TCF7L1: variants seen among roughly 807,000 people sequenced by gnomAD.
The protein encoded by TCF7L1 is transcription factor 7-like 1.
TCF7L1 carries 18 observed loss-of-function variants against 63.7 expected under a neutral mutation model. The observed-to-expected ratio is 0.28, with a 90% confidence interval of 0.20 to 0.42. TCF7L1 has a LOEUF of 0.42. TCF7L1 is among the 10% of genes least tolerant of loss of function. TCF7L1 has a pLI of 1.00. For missense variants in TCF7L1, 654 were observed against 779.3 expected, an observed-to-expected ratio of 0.84 and a Z score of 1.91; for synonymous variants, 355 against 340.9, an observed-to-expected ratio of 1.04 and a Z score of -0.46.
chr2:85,269,576 G>C (rs1282914785), intron 3 of TCF7L1, among the ~76,000 whole-genome samples: 1 of 152,172 alleles, frequency 6.6e-6, no homozygotes, highest in Non-Finnish European at 1.5e-5. Context: ...CCAAAGTGCT[G>C]GGCTTACAGG....
chr2:85,296,029 C>T (rs1220656273), intron 4 of TCF7L1, among the ~76,000 whole-genome samples: 4 of 152,120 alleles, frequency 2.6e-5, no homozygotes, highest in African/African-American at 4.8e-5. Context: ...CCACCTGCCT[C>T]GGCCTCCCAA....
chr2:85,299,985 C>G (rs2104385420), intron 4 of TCF7L1, among the ~76,000 whole-genome samples: 1 of 151,814 alleles, frequency 6.6e-6, no homozygotes, highest in Middle Eastern at 3.4e-3. Context: ...GTTATGTTGT[C>G]TAAATGCTTT....
intron 3 of TCF7L1, among the ~76,000 whole-genome samples, chr2:85,189,788 G>A (rs951132053): frequency 7.9e-5 from 12 of 152,182 alleles, no homozygotes; most frequent in East Asian, 1.9e-4. Flanking sequence ...GACCCCGGCC[G>A]CCTGGACACA....
At chr2:85,252,484 G>A (rs550648812) in intron 3 of TCF7L1, among the ~76,000 whole-genome samples, 1 of 152,210 alleles carries the variant, frequency 6.6e-6, no homozygotes, top group Admixed American at 6.5e-5. Flanking sequence ...CCCAAGCCTC[G>A]GTGTGACCCC....
chr2:85,297,428 C>T (rs1403834164), intron 4 of TCF7L1, among the ~76,000 whole-genome samples: 1 of 152,228 alleles, frequency 6.6e-6, no homozygotes, highest in African/African-American at 2.4e-5. Flanking sequence ...GCCGTGGGTC[C>T]TCACACGTGC....
At chr2:85,213,542 G>A (rs955976730) in intron 3 of TCF7L1, 2 of 152,078 alleles carry the variant, frequency 1.3e-5, no homozygotes, top group Non-Finnish European at 2.9e-5. Flanking sequence ...TGCCATTTCC[G>A]GCTGATGGCA....
intron 11 of TCF7L1, 36 bp downstream of exon 11, chr2:85,307,753 T>A: frequency 6.3e-7 from 1 of 1,593,522 alleles, no homozygotes; most frequent in Non-Finnish European, 8.6e-7. Context: ...CTCCTGCTTT[T>A]CCTTTTGTCA....
intron 11 of TCF7L1, among the ~76,000 whole-genome samples, chr2:85,308,118 C>T (rs1163209920): frequency 6.6e-6 from 1 of 152,128 alleles, no homozygotes; most frequent in Non-Finnish European, 1.5e-5. Flanking sequence ...TTGGATGTTT[C>T]TTTGGTTGAA....
At chr2:85,148,411 G>A (rs1677930153) in intron 3 of TCF7L1, among the ~76,000 whole-genome samples, 1 of 152,146 alleles carries the variant, frequency 6.6e-6, no homozygotes, top group Admixed American at 6.6e-5. Context: ...CTGGAACTTG[G>A]GTTTTGACCA....
chr2:85,230,081 C>T (rs1680043590), intron 3 of TCF7L1, among the ~76,000 whole-genome samples: 2 of 152,228 alleles, frequency 1.3e-5, no homozygotes, highest in South Asian at 2.1e-4. Context: ...CTGCTTCTTT[C>T]TCTTTTTCAA....
intron 4 of TCF7L1, among the ~76,000 whole-genome samples, chr2:85,300,025 CT>C (rs1489629047): frequency 6.6e-6 from 1 of 152,068 alleles, no homozygotes; most frequent in Non-Finnish European, 1.5e-5. Context: ...GTTTGCATTT[CT>C]TTCTTAGAAA....
chr2:85,270,572 A>G (rs1473334585), intron 3 of TCF7L1, among the ~76,000 whole-genome samples: 1 of 152,152 alleles, frequency 6.6e-6, no homozygotes, highest in East Asian at 1.9e-4. Flanking sequence ...GGTCTTACCC[A>G]CCTTTAGCAA....
intron 3 of TCF7L1, among the ~76,000 whole-genome samples, chr2:85,163,743 G>A (rs1237136075): frequency 6.6e-6 from 1 of 152,090 alleles, no homozygotes; most frequent in East Asian, 1.9e-4. Context: ...TGTGCGGGAG[G>A]GATCTGCTCC....
intron 3 of TCF7L1, among the ~76,000 whole-genome samples, chr2:85,246,234 C>T (rs1680461203): frequency 1.3e-5 from 2 of 152,172 alleles, no homozygotes; most frequent in Admixed American, 1.3e-4. Flanking sequence ...GCTTCACAGG[C>T]TTAGTGGAAT....
chr2:85,204,671 C>T (rs557716264), intron 3 of TCF7L1, among the ~76,000 whole-genome samples: 3 of 152,186 alleles, frequency 2.0e-5, no homozygotes, highest in South Asian at 2.1e-4. Context: ...ACGTGCACCA[C>T]GCCCAGCTAG....
intron 3 of TCF7L1, among the ~76,000 whole-genome samples, chr2:85,246,460 C>G (rs1680466623): frequency 6.6e-6 from 1 of 151,810 alleles, no homozygotes; most frequent in African/African-American, 2.4e-5. Flanking sequence ...TACTTAACGA[C>G]TCACATCCAT....
chr2:85,291,520 T>G (rs895262816), intron 4 of TCF7L1, among the ~76,000 whole-genome samples: 9 of 152,056 alleles, frequency 5.9e-5, no homozygotes, highest in African/African-American at 1.2e-4. Flanking sequence ...TCCATATTTT[T>G]GGGGTTTTGT....
rs372910921 is a variant in TCF7L1 at position 85,282,540 on chromosome 2, C to T, written c.442-955C>T. ...AGGCACTGTGTTCAATATGTGACAC[C>T]GTCCCTAGTCCGAACAACCTGTACC... is the stretch of plus-strand genomic sequence containing the variant. On this transcript the variant is annotated intron_variant, in intron 3 of 11. Transcript: ENST00000282111. Among the ~76,000 whole-genome samples the T allele has an allele frequency of 1.9e-3, 287 of 152,226 alleles. 1 individual carries two copies. Among genetic ancestry groups the T allele is most frequent in the African/African-American group, 6.5e-3 (270 of 41,530 alleles).
chr2:85,164,529 G>A (rs531473587), intron 3 of TCF7L1, among the ~76,000 whole-genome samples: 3 of 152,280 alleles, frequency 2.0e-5, no homozygotes, highest in East Asian at 1.9e-4. Context: ...AGGAGGAGGC[G>A]TTCCATTCCC....
Sources: allele counts gnomAD v4.1 joint callset (sites outside exome capture counted in the v4.1 genomes callset), GRCh38; gene constraint gnomAD v4.1.1; transcripts MANE v1.5; gene names NCBI Gene and HGNC (gene_info 2026-07-23, HGNC 2026-07-21).